Variants in ZBTB7C observed in about 807,000 individuals in gnomAD.
ZBTB7C encodes the protein zinc finger and BTB domain-containing protein 7C.
Under a neutral mutation model 25.7 loss-of-function variants are expected in ZBTB7C, and 8 were observed. The ratio of observed to expected loss-of-function variants is 0.31; its 90% CI spans 0.18 to 0.56. The LOEUF (loss-of-function observed/expected upper bound fraction) is 0.56. ZBTB7C is among the 20% of genes least tolerant of loss of function. The probability of loss-of-function intolerance (pLI) is 0.91; values close to 1 mark genes in which losing one functional copy is unlikely to be tolerated. For synonymous variants in ZBTB7C, 394 were observed against 369.0 expected, an observed-to-expected ratio of 1.07 and a Z score of -0.78; for missense variants, 824 against 855.2, an observed-to-expected ratio of 0.96 and a Z score of 0.46.
At chr18:48,060,125 CACG>C (rs1407169056) in intron 3 of ZBTB7C, among the ~76,000 whole-genome samples, 2 of 152,164 alleles carry the variant, frequency 1.3e-5, no homozygotes, top group African/African-American at 4.8e-5. Context: ...TCCTCTCCCA[CACG>C]ACCCATTTTA....
chr18:48,139,957 T>G (rs2040292156), intron 3 of ZBTB7C, among the ~76,000 whole-genome samples: 2 of 152,138 alleles, frequency 1.3e-5, no homozygotes, highest in African/African-American at 4.8e-5. Flanking sequence ...CCCCCACCTC[T>G]GGCTCCCCGC....
intron 2 of ZBTB7C, among the ~76,000 whole-genome samples, chr18:48,311,069 A>G (rs1400875303): frequency 6.6e-6 from 1 of 152,234 alleles, no homozygotes; most frequent in Admixed American, 6.5e-5. Flanking sequence ...CCTGCCAGTC[A>G]GTACTCTGTG....
intron 1 of ZBTB7C, among the ~76,000 whole-genome samples, chr18:48,372,569 C>T (rs1441840375): frequency 6.6e-6 from 1 of 152,164 alleles, no homozygotes; most frequent in African/African-American, 2.4e-5. Context: ...GCTATTAAAA[C>T]ATTAGGAGTT....
chr18:48,141,035 A>C (rs2040326677), intron 3 of ZBTB7C, among the ~76,000 whole-genome samples: 1 of 152,112 alleles, frequency 6.6e-6, no homozygotes, highest in African/African-American at 2.4e-5. Flanking sequence ...TGGTCCTGTC[A>C]TAGGGCACTC....
intron 2 of ZBTB7C, among the ~76,000 whole-genome samples, chr18:48,229,102 C>T (rs1368099235): frequency 6.6e-6 from 1 of 152,096 alleles, no homozygotes; most frequent in African/African-American, 2.4e-5. Flanking sequence ...GTTCGTCCCG[C>T]TCAAATCTCA....
intron 3 of ZBTB7C, among the ~76,000 whole-genome samples, chr18:48,083,235 T>C (rs2144499445): frequency 6.6e-6 from 1 of 152,260 alleles, no homozygotes; most frequent in Non-Finnish European, 1.5e-5. Flanking sequence ...AAACTATCCA[T>C]AATAGAGCAT....
chr18:48,371,812 T>C (rs772238617), intron 1 of ZBTB7C, among the ~76,000 whole-genome samples: 5 of 152,238 alleles, frequency 3.3e-5, no homozygotes, highest in Non-Finnish European at 5.9e-5. Flanking sequence ...AGAGATTTCA[T>C]TACCCTGGAA....
intron 2 of ZBTB7C, among the ~76,000 whole-genome samples, chr18:48,312,497 G>C (rs2045844621): frequency 6.6e-6 from 1 of 152,224 alleles, no homozygotes; most frequent in South Asian, 2.1e-4. Flanking sequence ...AGGCAGTAAA[G>C]GGCAATGTTC....
intron 2 of ZBTB7C, among the ~76,000 whole-genome samples, chr18:48,312,558 C>T (rs1427717622): frequency 1.3e-5 from 2 of 152,322 alleles, no homozygotes; most frequent in Non-Finnish European, 1.5e-5. Flanking sequence ...CCCAGCTCTG[C>T]CGCTTTCCAG....
At chr18:48,309,550 G>C (rs983289467) in intron 2 of ZBTB7C, among the ~76,000 whole-genome samples, 7 of 152,298 alleles carry the variant, frequency 4.6e-5, no homozygotes, top group Admixed American at 3.9e-4. Context: ...CATCTCATTC[G>C]TGAGGGAATT....
At chr18:48,046,323 G>A (rs182248329) in intron 3 of ZBTB7C, among the ~76,000 whole-genome samples, 24 of 152,320 alleles carry the variant, frequency 1.6e-4, no homozygotes, top group Non-Finnish European at 5.9e-5. Flanking sequence ...ATAGATGGAA[G>A]CAAATGTATT....
chr18:48,160,074 C>T (rs903213219), intron 3 of ZBTB7C, among the ~76,000 whole-genome samples: 1 of 152,210 alleles, frequency 6.6e-6, no homozygotes, highest in African/African-American at 2.4e-5. Flanking sequence ...GGCTCATGCT[C>T]GGACCCACCT....
intron 3 of ZBTB7C, among the ~76,000 whole-genome samples, chr18:48,105,277 G>A (rs2038988874): frequency 6.6e-6 from 1 of 152,180 alleles, no homozygotes; most frequent in Non-Finnish European, 1.5e-5. Context: ...CCATGGGAAG[G>A]CAGAGCTAAG....
At chr18:48,144,990 C>T (rs1205301347) in intron 3 of ZBTB7C, among the ~76,000 whole-genome samples, 2 of 152,126 alleles carry the variant, frequency 1.3e-5, no homozygotes, top group Admixed American at 6.5e-5. Context: ...ATTCCCTGAC[C>T]CTCAAGAGGA....
At chr18:48,353,130 T>C (rs1239031641) in intron 1 of ZBTB7C, among the ~76,000 whole-genome samples, 9 of 152,194 alleles carry the variant, frequency 5.9e-5, no homozygotes, top group Non-Finnish European at 1.3e-4. Context: ...TCCTATCCAG[T>C]AACCTCCTAA....
chr18:48,282,982 G>A (rs931401175), intron 2 of ZBTB7C, among the ~76,000 whole-genome samples: 1 of 152,174 alleles, frequency 6.6e-6, no homozygotes, highest in Non-Finnish European at 1.5e-5. Context: ...TGCCTATGAT[G>A]TGTACATTTT....
At chr18:48,230,620 A>G (rs1284525862) in intron 2 of ZBTB7C, among the ~76,000 whole-genome samples, 1 of 152,180 alleles carries the variant, frequency 6.6e-6, no homozygotes, top group African/African-American at 2.4e-5. Context: ...GGGGATGGAC[A>G]TAGGATGGGA....
chr18:48,324,674 C>T (rs1279425137), intron 2 of ZBTB7C, among the ~76,000 whole-genome samples: 2 of 152,122 alleles, frequency 1.3e-5, no homozygotes, highest in Admixed American at 1.3e-4. Flanking sequence ...AATATCTTAC[C>T]TTTATCCTAA....
intron 3 of ZBTB7C, among the ~76,000 whole-genome samples, chr18:48,085,761 A>G (rs967148063): frequency 1.3e-5 from 2 of 152,216 alleles, no homozygotes; most frequent in Non-Finnish European, 2.9e-5. Flanking sequence ...GGCTCACTGT[A>G]AGGAATGGTG....
Sources: allele counts gnomAD v4.1 joint callset (sites outside exome capture counted in the v4.1 genomes callset), GRCh38; gene constraint gnomAD v4.1.1; transcripts MANE v1.5; gene names NCBI Gene and HGNC (gene_info 2026-07-23, HGNC 2026-07-21).